Variants in RNF183 observed in about 807,000 individuals in gnomAD.
The protein encoded by RNF183 is E3 ubiquitin-protein ligase RNF183.
Under a neutral mutation model 9.0 loss-of-function variants are expected in RNF183, and 4 were observed. The ratio of observed to expected loss-of-function variants is 0.44; its 90% CI spans 0.22 to 1.01. The LOEUF (loss-of-function observed/expected upper bound fraction) is 1.01, where lower values mean the gene tolerates loss of function less well. Among genes scored for constraint, RNF183 ranks in the 50% least tolerant of loss-of-function variants. The pLI is 0.25. For missense variants in RNF183, 227 were observed against 253.6 expected, an observed-to-expected ratio of 0.89 and a Z score of 0.71; for synonymous variants, 102 against 107.5, an observed-to-expected ratio of 0.95 and a Z score of 0.32.
At chr9:113,300,389 A>G (rs1832880775) in intron 3 of RNF183, among the ~76,000 whole-genome samples, 2 of 152,348 alleles carry the variant, frequency 1.3e-5, no homozygotes, top group African/African-American at 4.8e-5. Context: ...CTTTGACCTC[A>G]TGACATTTAG....
At chr9:113,301,438 G>A (rs1832915964) in intron 3 of RNF183, among the ~76,000 whole-genome samples, 1 of 152,154 alleles carries the variant, frequency 6.6e-6, no homozygotes, top group Non-Finnish European at 1.5e-5. Flanking sequence ...ACTTAGAAAA[G>A]GCAAGGTAAA....
intron 3 of RNF183, among the ~76,000 whole-genome samples, chr9:113,300,029 A>G (rs1192614344): frequency 6.6e-6 from 1 of 152,220 alleles, no homozygotes; most frequent in Non-Finnish European, 1.5e-5. Context: ...GACTCATGGT[A>G]GAAATCCAGG....
intron 4 of RNF183, 40 bp downstream of exon 4, chr9:113,299,532 T>G (rs898449203): frequency 1.3e-4 from 20 of 152,228 alleles, no homozygotes; most frequent in African/African-American, 4.3e-4. Flanking sequence ...CCCGCTGATC[T>G]TTTAATGTGC....
At position 113,298,261 on chromosome 9, in the gene RNF183, G is replaced by T; in HGVS notation, c.-37-40C>A. Reference sequence around the variant, plus strand: ...AAAGGAGCAAAGGAACAGCCATGAAGTCCCATCCTTGTGCTTGGCCTGGGG... The same window carrying T: ...AAAGGAGCAAAGGAACAGCCATGAATTCCCATCCTTGTGCTTGGCCTGGGG... On this transcript the variant is annotated intron_variant, in intron 4 of 4. Coordinates refer to ENST00000489339, the MANE Select transcript of RNF183 (RefSeq NM_001371237.1). The surrounding 1 kb of genome is among the most constrained non-coding windows in gnomAD (Gnocchi z 4.9). 7.8e-7 allele frequency: 1 copy of T among 1,278,100 alleles called. No homozygotes were observed. The highest frequency in any genetic ancestry group is 1.1e-6 in the Non-Finnish European group (1 of 899,890). 79.2% of individuals were successfully genotyped at this position (1,278,100 alleles called of 1,614,324 possible).
chr9:113,297,218 A>G lies in RNF183; in HGVS notation c.*388T>C, dbSNP rs1832745895. On this transcript the variant is annotated 3_prime_UTR_variant, in exon 5 of 5. Transcript: ENST00000489339. Reference sequence around the variant, plus strand: ...TTTTTTTTTTTTAGCAACCCATAGTAAAAGAGCAACTCAAAAAAATATGCA... The same window carrying G: ...TTTTTTTTTTTTAGCAACCCATAGTGAAAGAGCAACTCAAAAAAATATGCA... The G allele has an allele frequency of 6.5e-6, 1 of 154,880 alleles. No individual in the cohort carries two copies. The highest frequency in any genetic ancestry group is 2.4e-5 in the African/African-American group (1 of 41,414). The allele number at this position is 154,880 out of a possible 1,614,324, so 9.6% of individuals were successfully genotyped here. A position where few individuals can be genotyped will look rare whatever the true frequency, so the allele number is the denominator to read the frequency against.
rs535090075 is a variant in RNF183, at chr9:113,302,087, T to G, written c.-322+108A>C. The G allele has an allele frequency of 7.3e-5, 11 of 150,850 alleles. 1 individual carries two copies. Among genetic ancestry groups the G allele is most frequent in the South Asian group, 6.4e-4 (3 of 4,698 alleles). The allele number at this position is 150,850 out of a possible 1,614,324, so 9.3% of individuals were successfully genotyped here. On this transcript the variant is annotated intron_variant, in intron 2 of 4. Transcript: ENST00000489339. ...ATCTCTGGGGGCAAGATTATAAGTT[T>G]TTTTTTTTTTTTTAATTCTCTTACC...
At chr9:113,300,317 T>C (rs78955716) in intron 3 of RNF183, among the ~76,000 whole-genome samples, 9,199 of 152,320 alleles carry the variant, frequency 0.06, 456 homozygotes, top group South Asian at 0.17. Context: ...TCGGACATTA[T>C]TGAGTGCTTA....
chr9:113,297,559 C>A lies in RNF183; in HGVS notation c.*47G>T. Reference sequence around the variant, plus strand: ...CAAATGAGGCTCCGTAGTCACCATACCCAGCAGCAACCGAAAAAGGTTTGG... The same window carrying A: ...CAAATGAGGCTCCGTAGTCACCATAACCAGCAGCAACCGAAAAAGGTTTGG... On this transcript the variant is annotated 3_prime_UTR_variant, in exon 5 of 5. Transcript: ENST00000489339. The A allele has an allele frequency of 1.5e-6, 2 of 1,346,042 alleles. No homozygotes were observed. The highest frequency in any genetic ancestry group is 2.3e-5 in the East Asian group (1 of 43,250). The allele number at this position is 1,346,042 out of a possible 1,614,324, so 83.4% of individuals were successfully genotyped here.
chr9:113,297,750 G>A lies in RNF183; in HGVS notation c.435C>T (p.Ile145=), dbSNP rs369634397. 2.1e-5 allele frequency: 34 copies of A among 1,614,032 alleles called. No individual in the cohort carries two copies. In the African/African-American group the frequency reaches 4.0e-4, roughly 19 times the overall value. The change falls in exon 5 of 5, where the codon ATC becomes ATT. Residue 145 remains isoleucine (I), a synonymous_variant. Transcript: ENST00000489339. ...ASATVSTPIL[I]PSHHSLRECF... ...ACTCCCTCAAAGAGTGGTGGCTGGG[G>A]ATGAGGATGGGCGTAGACACGGTGG... is the stretch of plus-strand genomic sequence containing the variant.
At chr9:113,302,529 A>T (rs1017296694) in intron 1 of RNF183, among the ~76,000 whole-genome samples, 3 of 152,162 alleles carry the variant, frequency 2.0e-5, no homozygotes, top group Non-Finnish European at 4.4e-5. Flanking sequence ...CCTTGCTAAG[A>T]TCTAAGTGTG....
intron 1 of RNF183, among the ~76,000 whole-genome samples, chr9:113,302,807 G>A (rs7860625): frequency 0.2 from 30,311 of 152,140 alleles, 3,967 homozygotes; most frequent in East Asian, 0.37. Flanking sequence ...AGTAGAATAC[G>A]GAAGGCGCTC....
intron 3 of RNF183, among the ~76,000 whole-genome samples, chr9:113,300,893 C>A (rs972199541): frequency 1.3e-5 from 2 of 152,078 alleles, no homozygotes; most frequent in Non-Finnish European, 2.9e-5. Flanking sequence ...AAGGGAACAC[C>A]CGTTCGGGCT....
Position 113,299,752 on chromosome 9 carries a change from C to G in RNF183, c.-218G>C, listed in dbSNP as rs939778790. ...TTCTCTGTTTCTCATATGGGTCATT[C>G]GAATAATTTGAAGAGTTGATCTGCT... On this transcript the variant is annotated 5_prime_UTR_variant, in exon 4 of 5. Coordinates refer to ENST00000489339, the MANE Select transcript of RNF183 (RefSeq NM_001371237.1). 1 of 152,106 alleles carries G rather than the reference C, an allele frequency of 6.6e-6. No individual in the cohort carries two copies. The highest frequency in any genetic ancestry group is 1.5e-5 in the Non-Finnish European group (1 of 68,034). 9.4% of individuals were successfully genotyped at this position (152,106 alleles called of 1,614,324 possible).
In RNF183 at chr9:113,297,750, G is replaced by T; in HGVS notation, c.435C>A (p.Ile145=). ...ASATVSTPIL[I]PSHHSLRECF... ...ACTCCCTCAAAGAGTGGTGGCTGGGGATGAGGATGGGCGTAGACACGGTGG... is the reference window on the plus strand; with the variant it reads ...ACTCCCTCAAAGAGTGGTGGCTGGGTATGAGGATGGGCGTAGACACGGTGG... Residue 145 remains isoleucine (I), a synonymous_variant, in exon 5 of 5, where the codon ATC becomes ATA. Transcript: ENST00000489339. The T allele has an allele frequency of 6.2e-7, 1 of 1,614,150 alleles. No individual in the cohort carries two copies. The highest frequency in any genetic ancestry group is 8.5e-7 in the Non-Finnish European group (1 of 1,180,014).
rs1222774553 is a variant in RNF183, at chr9:113,298,559, G to C, written c.-37-338C>G. On this transcript the variant is annotated intron_variant, in intron 4 of 4. Coordinates refer to ENST00000489339, the MANE Select transcript of RNF183 (RefSeq NM_001371237.1). This position sits in a 1 kb window ranked among gnomAD's most constrained non-coding sequence, Gnocchi z 4.9. ...TTGGCTGCCCTGAATCCAGGGAGCT[G>C]GGGGTAAGCTGCAGTCTGCGGGTTT... 3 of 234,600 alleles carry C rather than the reference G, an allele frequency of 1.3e-5. No individual in the cohort carries two copies. The highest frequency in any genetic ancestry group is 2.5e-5 in the Non-Finnish European group (3 of 120,910). The allele number at this position is 234,600 out of a possible 1,614,324, so 14.5% of individuals were successfully genotyped here.
chr9:113,300,117 G>A (rs1172000203), intron 3 of RNF183, among the ~76,000 whole-genome samples: 2 of 152,176 alleles, frequency 1.3e-5, no homozygotes, highest in Admixed American at 1.3e-4. Context: ...CGACTGAGCC[G>A]ATGTCTGAAG....
At chr9:113,302,814 G>A (rs1198277809) in intron 1 of RNF183, among the ~76,000 whole-genome samples, 1 of 152,200 alleles carries the variant, frequency 6.6e-6, no homozygotes, top group East Asian at 1.9e-4. Flanking sequence ...TACGGAAGGC[G>A]CTCAATACAG....
intron 4 of RNF183, chr9:113,299,163 G>A (rs1832839086): frequency 6.6e-6 from 1 of 152,292 alleles, no homozygotes; most frequent in African/African-American, 2.4e-5. Context: ...CACCTGCTTG[G>A]AGCCAAGGCC....
At chr9:113,300,501 G>C (rs540117289) in intron 3 of RNF183, among the ~76,000 whole-genome samples, 11 of 152,322 alleles carry the variant, frequency 7.2e-5, no homozygotes, top group Non-Finnish European at 1.5e-4. Context: ...TGGGCTTCGG[G>C]TGCTTGGTGG....
Sources: gnomAD v4.1 joint callset for allele counts (sites outside exome capture counted in the v4.1 genomes callset) on GRCh38, gnomAD v4.1.1 for gene constraint, Gnocchi (gnomAD v3.1) non-coding constraint, MANE v1.5 for transcripts, NCBI Gene and HGNC (gene_info 2026-07-23, HGNC 2026-07-21) for gene names.